Variants in CDH18 observed in about 807,000 individuals in gnomAD.
The protein encoded by CDH18 is cadherin 18.
Under a neutral mutation model 67.9 loss-of-function variants are expected in CDH18, and 31 were observed. The ratio of observed to expected loss-of-function variants is 0.46; its 90% CI spans 0.34 to 0.62. The LOEUF is 0.62. CDH18 is among the 20% of genes least tolerant of loss of function. CDH18 has a pLI of 0.01. For synonymous variants in CDH18, 362 were observed against 347.2 expected (o/e 1.04, Z -0.48); for missense variants, 890 against 975.5 (o/e 0.91, Z 1.17).
At chr5:20,113,476 G>A (rs761465410) in intron 2 of CDH18, among the ~76,000 whole-genome samples, 12 of 152,096 alleles carry the variant, frequency 7.9e-5, no homozygotes, top group Non-Finnish European at 1.3e-4. Context: ...TTCTGTCTCT[G>A]GCAGATTGAT....
At chr5:19,894,654 A>C (rs1789114871) in intron 2 of CDH18, among the ~76,000 whole-genome samples, 1 of 152,132 alleles carries the variant, frequency 6.6e-6, no homozygotes, top group African/African-American at 2.4e-5. Flanking sequence ...GAGCTGAATA[A>C]AATTGCATTT....
chr5:19,755,927 A>C (rs543393228), intron 3 of CDH18, among the ~76,000 whole-genome samples: 1 of 152,214 alleles, frequency 6.6e-6, no homozygotes, highest in Admixed American at 6.5e-5. Context: ...TTCAAAGGTT[A>C]ATCTCTTTTG....
intron 3 of CDH18, among the ~76,000 whole-genome samples, chr5:19,769,099 G>T (rs1773435882): frequency 1.3e-5 from 2 of 151,968 alleles, no homozygotes; most frequent in South Asian, 2.1e-4. Context: ...TATGGATAAT[G>T]GGAGTCACAG....
In CDH18 at chr5:20,175,134, T is replaced by C. The variant is rs571043523; in HGVS notation, c.-518+80310A>G. ...CCGAGAAAGAGGGTAGGGGAGGAAG[T>C]GTAATGCCAACAAGAGGAAGAAAAA... is the stretch of plus-strand genomic sequence containing the variant. On this transcript the variant is annotated intron_variant, in intron 2 of 14. Coordinates refer to the CDH18 transcript ENST00000507958. Among the ~76,000 whole-genome samples the C allele has an allele frequency of 3.3e-5, 5 of 151,834 alleles. No homozygotes were observed. In the East Asian group the frequency reaches 9.7e-4, roughly 29 times the overall value.
intron 9 of CDH18, among the ~76,000 whole-genome samples, chr5:19,535,512 C>G (rs955353511): frequency 1.3e-5 from 2 of 152,084 alleles, no homozygotes; most frequent in African/African-American, 4.8e-5. Context: ...AGCTGCTAAC[C>G]AAAAATAACT....
chr5:19,579,486 A>C (rs1051013629), intron 7 of CDH18, among the ~76,000 whole-genome samples: 8 of 151,568 alleles, frequency 5.3e-5, no homozygotes, highest in Non-Finnish European at 1.0e-4. Flanking sequence ...GACCACCTCC[A>C]TTCTTATAAG....
intron 2 of CDH18, among the ~76,000 whole-genome samples, chr5:20,095,029 A>G (rs1026923064): frequency 1.3e-5 from 2 of 152,076 alleles, no homozygotes; most frequent in Non-Finnish European, 2.9e-5. Flanking sequence ...GCTGGAAACC[A>G]TCATTCTCAG....
At chr5:19,578,126 G>A (rs1318454401) in intron 7 of CDH18, among the ~76,000 whole-genome samples, 1 of 152,222 alleles carries the variant, frequency 6.6e-6, no homozygotes, top group Non-Finnish European at 1.5e-5. Flanking sequence ...CCAGGACTGT[G>A]AGACAGCACA....
intron 2 of CDH18, among the ~76,000 whole-genome samples, chr5:20,003,266 A>G (rs550782767): frequency 6.9e-4 from 105 of 152,260 alleles, no homozygotes; most frequent in Non-Finnish European, 1.4e-3. Flanking sequence ...TTAAAATTGC[A>G]ACATATATAA....
chr5:19,569,825 A>G (rs528596798), intron 8 of CDH18, among the ~76,000 whole-genome samples: 2 of 152,274 alleles, frequency 1.3e-5, no homozygotes, highest in Admixed American at 1.3e-4. Flanking sequence ...GATGAATTTC[A>G]CAACTACCCT....
At chr5:20,278,377 GA>G (rs894511672) in intron 1 of CDH18, among the ~76,000 whole-genome samples, 5 of 147,366 alleles carry the variant, frequency 3.4e-5, no homozygotes, top group East Asian at 2.0e-4. Context: ...AGCGCTGAAG[GA>G]AAAAAAAAAT....
chr5:20,377,057 T>A (rs919798751), intron 1 of CDH18, among the ~76,000 whole-genome samples: 2 of 151,494 alleles, frequency 1.3e-5, no homozygotes, highest in African/African-American at 4.8e-5. Flanking sequence ...ATAGAGATAA[T>A]GCCACAATGT....
At chr5:19,965,341 C>A (rs1019579536) in intron 2 of CDH18, among the ~76,000 whole-genome samples, 2 of 151,968 alleles carry the variant, frequency 1.3e-5, no homozygotes, top group Non-Finnish European at 2.9e-5. Flanking sequence ...TATAATGGGA[C>A]CTACATAGAG....
intron 3 of CDH18, among the ~76,000 whole-genome samples, chr5:19,784,640 C>A (rs1325419778): frequency 1.3e-5 from 2 of 152,132 alleles, no homozygotes; most frequent in East Asian, 1.9e-4. Context: ...TTAAATACTG[C>A]AAAATAGCTC....
At chr5:19,824,933 G>A (rs1345822534) in intron 3 of CDH18, among the ~76,000 whole-genome samples, 1 of 152,142 alleles carries the variant, frequency 6.6e-6, no homozygotes, top group Middle Eastern at 3.2e-3. Flanking sequence ...GGACAGCAAG[G>A]CAGATAATCA....
chr5:19,845,883 T>A (rs1782888383), intron 2 of CDH18, among the ~76,000 whole-genome samples: 1 of 151,952 alleles, frequency 6.6e-6, no homozygotes. Context: ...CCTTTCTCTC[T>A]CAACTGATTT....
chr5:19,502,558 A>T (rs1385930838), intron 11 of CDH18: 1 of 289,924 alleles, frequency 3.4e-6, no homozygotes, highest in Non-Finnish European at 6.3e-6. Flanking sequence ...AACAAGAGGA[A>T]ATATAATTTG....
At chr5:19,488,808 C>G (rs1740812271) in intron 11 of CDH18, among the ~76,000 whole-genome samples, 1 of 152,162 alleles carries the variant, frequency 6.6e-6, no homozygotes, top group African/African-American at 2.4e-5. Context: ...AGCATGTTCT[C>G]TTTATGCTCT....
At chr5:20,405,430 A>G (rs1254775459) in intron 1 of CDH18, among the ~76,000 whole-genome samples, 1 of 152,242 alleles carries the variant, frequency 6.6e-6, no homozygotes, top group Non-Finnish European at 1.5e-5. Flanking sequence ...TTATACAAAA[A>G]TTAATTCAAG....
Sources: allele counts gnomAD v4.1 joint callset (sites outside exome capture counted in the v4.1 genomes callset), GRCh38; gene constraint gnomAD v4.1.1; transcripts MANE v1.5; gene names NCBI Gene and HGNC (gene_info 2026-07-23, HGNC 2026-07-21).